TLR6: variants seen among roughly 807,000 people sequenced by gnomAD.
TLR6 encodes the protein toll-like receptor 6.
In TLR6, 9 loss-of-function variants were observed where a neutral mutation model predicts 16.1. The observed-to-expected ratio is 0.56, with a 90% CI of 0.34 to 0.98. The LOEUF (loss-of-function observed/expected upper bound fraction) is 0.98. TLR6 is among the 50% of genes least tolerant of loss of function. The pLI, the probability that TLR6 is intolerant of heterozygous loss-of-function variation, is 0.02. For synonymous variants in TLR6, 340 were observed against 338.6 expected (o/e 1.00, Z -0.04); for missense variants, 786 against 921.0 (o/e 0.85, Z 1.90).
chr4:38,851,111 CAG>C (rs1712755017), intron 1 of TLR6, among the ~76,000 whole-genome samples: 2 of 152,146 alleles, frequency 1.3e-5, no homozygotes, highest in Non-Finnish European at 2.9e-5. Context: ...AGCATATAAA[CAG>C]AACCAAAGAC....
intron 1 of TLR6, among the ~76,000 whole-genome samples, chr4:38,830,731 T>C (rs1159699718): frequency 6.6e-6 from 1 of 151,680 alleles, no homozygotes; most frequent in African/African-American, 2.4e-5. Flanking sequence ...AATAAATAAA[T>C]AAATAAAACA....
chr4:38,860,494 A>G (rs886649632), upstream of TLR6, among the ~76,000 whole-genome samples: 3 of 151,030 alleles, frequency 2.0e-5, no homozygotes, highest in African/African-American at 7.3e-5. Flanking sequence ...GCTAATTTAT[A>G]TATTAAGTAT....
chr4:38,866,283 G>A, the TLR6 span, among the ~76,000 whole-genome samples: 1 of 151,130 alleles, frequency 6.6e-6, no homozygotes, highest in Non-Finnish European at 1.5e-5. Flanking sequence ...CCTGAGGTCA[G>A]GAGTTCGAGA....
the TLR6 span, among the ~76,000 whole-genome samples, chr4:38,866,844 A>G: frequency 2.0e-5 from 3 of 152,202 alleles, no homozygotes; most frequent in Non-Finnish European, 4.4e-5. Context: ...GGGAGAGACT[A>G]GGGCTATTTT....
chr4:38,831,696 A>T (rs986962105), intron 1 of TLR6, among the ~76,000 whole-genome samples: 10 of 152,252 alleles, frequency 6.6e-5, no homozygotes, highest in African/African-American at 2.2e-4. Flanking sequence ...TTAAATGGGC[A>T]CAAAAATCTA....
chr4:38,827,589 T>A, exon 2 of TLR6: 1 of 1,614,246 alleles, frequency 6.2e-7, no homozygotes, highest in South Asian at 1.1e-5. Flanking sequence ...GGTATGTTCC[T>A]GGCCCTGCGC....
At chr4:38,830,250 G>GT (rs1727760310) in intron 1 of TLR6, among the ~76,000 whole-genome samples, 1 of 152,184 alleles carries the variant, frequency 6.6e-6, no homozygotes, top group Non-Finnish European at 1.5e-5. Context: ...AGTTTATTTG[G>GT]TTTTTGTTTT....
At chr4:38,828,602 C>A (rs954369230) in exon 2 of TLR6, 1 of 1,613,794 alleles carries the variant, frequency 6.2e-7, no homozygotes, top group African/African-American at 1.3e-5. Flanking sequence ...TTCACGAATG[C>A]TTTCAATTAT....
At chr4:38,832,598 T>C (rs563059170) in intron 1 of TLR6, among the ~76,000 whole-genome samples, 2 of 152,156 alleles carry the variant, frequency 1.3e-5, no homozygotes, top group South Asian at 2.1e-4. Context: ...AGCTTCAGCA[T>C]AAGGCTCTTT....
At chr4:38,847,418 G>C (rs1712575140) in intron 1 of TLR6, among the ~76,000 whole-genome samples, 1 of 152,064 alleles carries the variant, frequency 6.6e-6, no homozygotes, top group African/African-American at 2.4e-5. Context: ...ATCTCACTGG[G>C]GCCCGTCGGA....
intron 1 of TLR6, among the ~76,000 whole-genome samples, chr4:38,851,399 A>C (rs1450317653): frequency 6.6e-6 from 1 of 152,192 alleles, no homozygotes; most frequent in South Asian, 2.1e-4. Context: ...CAATCAGGCA[A>C]AAGAAAGAAA....
chr4:38,833,390 G>T (rs1455352635), intron 1 of TLR6, among the ~76,000 whole-genome samples: 1 of 152,198 alleles, frequency 6.6e-6, no homozygotes, highest in Non-Finnish European at 1.5e-5. Flanking sequence ...CATAGTGTCT[G>T]CTGACAACTG....
intron 1 of TLR6, among the ~76,000 whole-genome samples, chr4:38,851,824 A>G (rs1712785970): frequency 6.6e-6 from 1 of 152,238 alleles, no homozygotes; most frequent in Non-Finnish European, 1.5e-5. Flanking sequence ...TTATAGATTC[A>G]ATGCCATCCC....
the TLR6 span, among the ~76,000 whole-genome samples, chr4:38,867,432 G>A: frequency 6.6e-6 from 1 of 152,220 alleles, no homozygotes; most frequent in African/African-American, 2.4e-5. Flanking sequence ...GCAAGGGAGT[G>A]CTGCTTAACG....
In TLR6 at chr4:38,827,509, C is replaced by T. The variant is rs1409187009; in HGVS notation, c.1965G>A (p.Trp655Ter). The T allele has an allele frequency of 6.2e-7, 1 of 1,614,030 alleles. No homozygotes were observed. The highest frequency in any genetic ancestry group is 8.5e-7 in the Non-Finnish European group (1 of 1,180,038). Residue 655 changes from tryptophan (W) to a stop codon, truncating the protein, a stop_gained, in exon 2 of 2, where the codon TGG becomes TGA. Coordinates refer to ENST00000436693, the Ensembl canonical transcript of TLR6. LOFTEE classifies it high-confidence loss of function. ...GGTAAGGTACCAATTCACTTTTCAC[C>T]CAGGCAGAATCATGTTCACTATATG...
chr4:38,833,284 C>G (rs1711719708), intron 1 of TLR6, among the ~76,000 whole-genome samples: 1 of 152,164 alleles, frequency 6.6e-6, no homozygotes, highest in Non-Finnish European at 1.5e-5. Flanking sequence ...ATATTTCACA[C>G]AGGGGCCTGA....
At chr4:38,827,543 G>A (rs746467457) in exon 2 of TLR6, 10 of 1,614,164 alleles carry the variant, frequency 6.2e-6, no homozygotes, top group Middle Eastern at 1.6e-4. Context: ...TGAAATAAAA[G>A]CATGAAACTG....
At chr4:38,838,685 A>T (rs1057404464) in intron 1 of TLR6, among the ~76,000 whole-genome samples, 8 of 152,158 alleles carry the variant, frequency 5.3e-5, no homozygotes, top group Non-Finnish European at 1.0e-4. Flanking sequence ...CAGTAGGGTG[A>T]CTATAGCTAA....
chr4:38,862,752 C>A, the TLR6 span, among the ~76,000 whole-genome samples: 1 of 151,594 alleles, frequency 6.6e-6, no homozygotes, highest in African/African-American at 2.4e-5. Context: ...CGTGCCACCA[C>A]GCCCAGTTAA....
Sources: allele counts gnomAD v4.1 joint callset (sites outside exome capture counted in the v4.1 genomes callset), GRCh38; gene constraint gnomAD v4.1.1; transcripts MANE v1.5; gene names NCBI Gene and HGNC (gene_info 2026-07-23, HGNC 2026-07-21).